Variants in CAMK1D observed in about 807,000 individuals in gnomAD.
The protein encoded by CAMK1D is calcium/calmodulin-dependent protein kinase type 1D.
In CAMK1D, 9 loss-of-function variants were observed where a neutral mutation model predicts 47.7. The ratio of observed to expected loss-of-function variants is 0.19; its 90% CI spans 0.11 to 0.33. CAMK1D has a LOEUF of 0.33. Among genes scored for constraint, CAMK1D ranks in the 10% least tolerant of loss-of-function variants. CAMK1D has a pLI of 1.00. For missense variants in CAMK1D, 291 were observed against 488.7 expected (o/e 0.60, Z 3.81); for synonymous variants, 184 against 184.9 (o/e 0.99, Z 0.04).
chr10:12,579,134 G>A (rs1174037679), intron 2 of CAMK1D, among the ~76,000 whole-genome samples: 1 of 152,104 alleles, frequency 6.6e-6, no homozygotes, highest in Non-Finnish European at 1.5e-5. Flanking sequence ...AGCGCGAGGA[G>A]TCCTCGGAAG....
At chr10:12,398,720 GATAA>G (rs1054172265) in intron 1 of CAMK1D, among the ~76,000 whole-genome samples, 7 of 151,934 alleles carry the variant, frequency 4.6e-5, no homozygotes, top group African/African-American at 1.4e-4. Flanking sequence ...TATAAATTTT[GATAA>G]ATAAAAGGAG....
chr10:12,419,669 C>CAT (rs1399773555), intron 1 of CAMK1D, among the ~76,000 whole-genome samples: 1 of 151,168 alleles, frequency 6.6e-6, no homozygotes, highest in Non-Finnish European at 1.5e-5. Context: ...CACACACACA[C>CAT]GCAAAAATAG....
At chr10:12,751,108 TA>T (rs1835951933) in intron 3 of CAMK1D, among the ~76,000 whole-genome samples, 4 of 80,814 alleles carry the variant, frequency 4.9e-5, no homozygotes, top group African/African-American at 1.6e-4. Flanking sequence ...TAAGATAAGA[TA>T]AGATAAGATA....
intron 2 of CAMK1D, among the ~76,000 whole-genome samples, chr10:12,631,366 TC>T (rs752163348): frequency 1.4e-4 from 21 of 152,190 alleles, no homozygotes; most frequent in Non-Finnish European, 2.8e-4. Context: ...CTAGACAAGC[TC>T]CGCCCATAGT....
At chr10:12,609,690 A>G (rs1838566693) in intron 2 of CAMK1D, among the ~76,000 whole-genome samples, 1 of 152,196 alleles carries the variant, frequency 6.6e-6, no homozygotes. Flanking sequence ...GAGCGGCTAT[A>G]AATACAGATG....
intron 1 of CAMK1D, among the ~76,000 whole-genome samples, chr10:12,411,062 G>A (rs967217241): frequency 3.9e-5 from 6 of 152,134 alleles, no homozygotes; most frequent in African/African-American, 1.4e-4. Context: ...AATCCATTGT[G>A]CTTCTGTAAT....
At chr10:12,608,883 T>C (rs930308971) in intron 2 of CAMK1D, among the ~76,000 whole-genome samples, 1 of 152,232 alleles carries the variant, frequency 6.6e-6, no homozygotes, top group African/African-American at 2.4e-5. Context: ...GCCCTACCAG[T>C]GTCGGGAGTC....
intron 2 of CAMK1D, among the ~76,000 whole-genome samples, chr10:12,660,002 A>G (rs1840230444): frequency 6.6e-6 from 1 of 152,064 alleles, no homozygotes; most frequent in Non-Finnish European, 1.5e-5. Flanking sequence ...CCTCTCTTAT[A>G]ATCAGTTTCA....
At chr10:12,808,755 G>A (rs1832475054) in intron 6 of CAMK1D, among the ~76,000 whole-genome samples, 1 of 152,112 alleles carries the variant, frequency 6.6e-6, no homozygotes, top group Non-Finnish European at 1.5e-5. Context: ...TCCAACCTGG[G>A]CAACAAGAGC....
At chr10:12,755,779 G>C (rs1049319036) in intron 3 of CAMK1D, among the ~76,000 whole-genome samples, 15 of 152,166 alleles carry the variant, frequency 9.9e-5, no homozygotes, top group African/African-American at 3.1e-4. Flanking sequence ...TGGACCTTGG[G>C]GTTTCTCCAT....
intron 2 of CAMK1D, among the ~76,000 whole-genome samples, chr10:12,648,327 C>T (rs1430019214): frequency 6.6e-6 from 1 of 152,170 alleles, no homozygotes; most frequent in African/African-American, 2.4e-5. Context: ...CAGGTTCCCC[C>T]TGCCTAGCGA....
Position 12,426,569 on chromosome 10 carries a change from G to A in CAMK1D, c.92+76659G>A, listed in dbSNP as rs149764155. Among the ~76,000 whole-genome samples the A allele has an allele frequency of 2.6e-3, 402 of 151,956 alleles. 2 individuals are homozygous for A. The highest frequency in any genetic ancestry group is 4.6e-3 in the Non-Finnish European group (314 of 67,952). On this transcript the variant is annotated intron_variant, in intron 1 of 10. Transcript: ENST00000619168. ...TGGGAATTTTTTCTTTTTGAGACAG[G>A]ATCTTACTCTGTCACCCAGCCCAGG...
intron 1 of CAMK1D, among the ~76,000 whole-genome samples, chr10:12,447,664 A>G (rs1400740997): frequency 6.6e-6 from 1 of 152,198 alleles, no homozygotes; most frequent in Non-Finnish European, 1.5e-5. Context: ...ATTGTGCCAC[A>G]GCATTCCAGC....
intron 2 of CAMK1D, among the ~76,000 whole-genome samples, chr10:12,652,078 G>A (rs1010362579): frequency 1.3e-5 from 2 of 151,854 alleles, no homozygotes; most frequent in Non-Finnish European, 2.9e-5. Flanking sequence ...GCGCCCGGCC[G>A]GAAATAACTT....
chr10:12,734,441 C>T (rs1564524466), intron 3 of CAMK1D, among the ~76,000 whole-genome samples: 4 of 45,132 alleles, frequency 8.9e-5, no homozygotes, highest in African/African-American at 3.0e-4. Context: ...TATACACACA[C>T]ACATATGTGT....
intron 1 of CAMK1D, among the ~76,000 whole-genome samples, chr10:12,381,381 A>G (rs549536805): frequency 6.8e-6 from 1 of 146,538 alleles, no homozygotes; most frequent in African/African-American, 2.5e-5. Flanking sequence ...TCCTTCTGTC[A>G]CTCAGGCTGG....
In CAMK1D at chr10:12,597,976, G is replaced by C. The variant is rs550212917; in HGVS notation, c.224+44620G>C. ...CTGCATCTGTCCCTGTGCTTGATAA[G>C]GAAAAAACAACATGCACAGTCCTGT... On this transcript the variant is annotated intron_variant, in intron 2 of 10. Transcript: ENST00000619168. Among the ~76,000 whole-genome samples, 5 of 151,714 alleles carry C rather than the reference G, an allele frequency of 3.3e-5. No homozygotes were observed. The East Asian group carries it at 9.7e-4, about 29-fold the overall frequency.
chr10:12,523,407 A>G (rs1041330420), intron 1 of CAMK1D, among the ~76,000 whole-genome samples: 1 of 152,068 alleles, frequency 6.6e-6, no homozygotes, highest in African/African-American at 2.4e-5. Context: ...TGGGAGGTGG[A>G]GGTTGTAGCC....
At chr10:12,369,178 G>C (rs752533577) in intron 1 of CAMK1D, among the ~76,000 whole-genome samples, 1 of 152,134 alleles carries the variant, frequency 6.6e-6, no homozygotes, top group Non-Finnish European at 1.5e-5. Context: ...CTCACAACAA[G>C]CTGGAAAGGT....
Sources: allele counts gnomAD v4.1 joint callset (sites outside exome capture counted in the v4.1 genomes callset), GRCh38; gene constraint gnomAD v4.1.1; transcripts MANE v1.5; gene names NCBI Gene and HGNC (gene_info 2026-07-23, HGNC 2026-07-21).